The following SIRT1 variants were observed in gnomAD, a reference collection of about 807,000 sequenced individuals.
SIRT1 encodes the protein NAD-dependent protein deacetylase sirtuin-1.
In SIRT1, 24 loss-of-function variants were observed where a neutral mutation model predicts 67.9. The ratio of observed to expected loss-of-function variants is 0.35; its 90% CI spans 0.26 to 0.50. The LOEUF (loss-of-function observed/expected upper bound fraction) is 0.50. SIRT1 is among the 20% of genes least tolerant of loss of function. SIRT1 has a pLI of 0.98. For missense variants in SIRT1, 873 were observed against 937.2 expected, an observed-to-expected ratio of 0.93 and a Z score of 0.89; for synonymous variants, 378 against 350.7, an observed-to-expected ratio of 1.08 and a Z score of -0.87.
At chr10:67,888,197 C>T (rs373970463) in intron 2 of SIRT1, among the ~76,000 whole-genome samples, 1 of 152,052 alleles carries the variant, frequency 6.6e-6, no homozygotes, top group Non-Finnish European at 1.5e-5. Flanking sequence ...TTTTTTATAC[C>T]AAAGGTATAA....
At chr10:67,895,643 A>C (rs146010584) in intron 4 of SIRT1, among the ~76,000 whole-genome samples, 28 of 150,286 alleles carry the variant, frequency 1.9e-4, no homozygotes, top group African/African-American at 6.0e-4. Flanking sequence ...GATACTTCAG[A>C]AGGAAAGAGA....
In SIRT1 at chr10:67,912,859, A is replaced by G. The variant is rs1326385572; in HGVS notation, c.1743A>G (p.Glu581=). 1 of 1,614,040 alleles carries G rather than the reference A, an allele frequency of 6.2e-7. No individual in the cohort carries two copies. Among genetic ancestry groups the G allele is most frequent in the African/African-American group, 1.3e-5 (1 of 74,952 alleles). The part of the protein sequence containing the change: ...SKGCMEEKPQ[E]VQTSRNVESI... Reference sequence around the variant, plus strand: ...GTTGTATGGAAGAAAAACCACAGGAAGTACAAACTTCTAGGAATGTTGAAA... The same window carrying G: ...GTTGTATGGAAGAAAAACCACAGGAGGTACAAACTTCTAGGAATGTTGAAA... The change falls in exon 8 of 9, where the codon GAA becomes GAG. Residue 581 remains glutamate, a synonymous_variant. Coordinates refer to ENST00000212015, the MANE Select transcript of SIRT1 (RefSeq NM_012238.5).
chr10:67,900,335 G>A (rs1181034070), intron 4 of SIRT1, among the ~76,000 whole-genome samples: 1 of 151,926 alleles, frequency 6.6e-6, no homozygotes, highest in Admixed American at 6.6e-5. Context: ...GTAGAGATGG[G>A]GGTTTCACCA....
intron 7 of SIRT1, among the ~76,000 whole-genome samples, chr10:67,910,804 ACT>A (rs1241454344): frequency 6.6e-6 from 1 of 152,344 alleles, no homozygotes; most frequent in East Asian, 1.9e-4. Flanking sequence ...ATATTCTCAT[ACT>A]GTCTGTTTCC....
At chr10:67,891,319 AC>A in intron 3 of SIRT1, 82 bp from the exon 4 acceptor site, 1 of 1,254,408 alleles carries the variant, frequency 8.0e-7, no homozygotes, top group Non-Finnish European at 1.1e-6. Flanking sequence ...CTCAACTCTT[AC>A]CTAATTATAT....
Position 67,884,915 on chromosome 10 carries a change from G to T in SIRT1, c.194G>T (p.Arg65Met). 2 of 1,230,202 alleles carry T rather than the reference G, an allele frequency of 1.6e-6. No individual in the cohort carries two copies. The highest frequency in any genetic ancestry group is 1.6e-5 in the African/African-American group (1 of 62,676). The allele number at this position is 1,230,202 out of a possible 1,614,324, so 76.2% of individuals were successfully genotyped here. Reference sequence around the variant, plus strand: ...GAGCGTGAGGTGCCGGCGGCGGCCAGGGGCTGCCCGGGTGCGGCGGCGGCG... The same window carrying T: ...GAGCGTGAGGTGCCGGCGGCGGCCATGGGCTGCCCGGGTGCGGCGGCGGCG... ...APEREVPAAA[R>M]GCPGAAAAAL... is the part of the protein sequence containing the mutation. The change falls in exon 1 of 9, where the codon AGG becomes ATG. Residue 65 changes from arginine (R) to methionine (M), a missense_variant. This residue lies in a region of SIRT1 where 327 missense variants were observed against 283.9 expected (regional missense o/e 1.15). Coordinates refer to ENST00000212015, the MANE Select transcript of SIRT1 (RefSeq NM_012238.5).
Position 67,898,416 on chromosome 10 carries a change from A to G in SIRT1, c.942+6862A>G, listed in dbSNP as rs1842692715. Among the ~76,000 whole-genome samples the G allele has an allele frequency of 2.0e-5, 3 of 152,174 alleles. No individual in the cohort carries two copies. In the South Asian group the frequency reaches 6.2e-4, roughly 32 times the overall value. ...ACACGAACTGAATTTTATGAACTTA[A>G]TTCCAAGAATGTATTTTTACATTTG... On this transcript the variant is annotated intron_variant, in intron 4 of 8. Coordinates refer to ENST00000212015, the MANE Select transcript of SIRT1 (RefSeq NM_012238.5).
intron 8 of SIRT1, among the ~76,000 whole-genome samples, chr10:67,913,276 A>G (rs145087733): frequency 1.1e-3 from 161 of 152,290 alleles, no homozygotes; most frequent in Non-Finnish European, 2.0e-3. Context: ...AGAATGGGTT[A>G]TTAGCTGGCA....
intron 1 of SIRT1, among the ~76,000 whole-genome samples, chr10:67,886,928 A>G (rs796652947): frequency 2.6e-4 from 40 of 151,366 alleles, no homozygotes; most frequent in African/African-American, 9.5e-4. Flanking sequence ...CTGGAGTGCA[A>G]TGGCGTGATC....
chr10:67,913,975 T>C (rs1842939167), intron 8 of SIRT1, among the ~76,000 whole-genome samples: 1 of 152,042 alleles, frequency 6.6e-6, no homozygotes, highest in African/African-American at 2.4e-5. Context: ...ATGTGAGTGA[T>C]ACTCATTAAT....
Position 67,889,093 on chromosome 10 carries a change from CA to C in SIRT1, c.766del (p.Ile256LeufsTer2). On this transcript the variant is annotated frameshift_variant, in exon 3 of 9. Transcript: ENST00000212015. LOFTEE classifies it high-confidence loss of function. ...EDAVKLLQEC[K>X]KIIVLTGAGV... is the part of the protein sequence containing the mutation. ...ATGCTGTGAAATTACTGCAAGAGTG[CA>C]AAAAAATTATAGTTCTAACTGGAGC... 1.9e-6 allele frequency: 3 copies of C among 1,603,570 alleles called. No individual in the cohort carries two copies. Among genetic ancestry groups the C allele is most frequent in the Non-Finnish European group, 8.5e-7 (1 of 1,179,230 alleles).
rs1027155472 is a variant in SIRT1 at position 67,904,801 on chromosome 10, G to A, written c.943-1989G>A. Among the ~76,000 whole-genome samples, 7 of 150,336 alleles carry A rather than the reference G, an allele frequency of 4.7e-5. No homozygotes were observed. In the East Asian group the frequency reaches 9.8e-4, roughly 21 times the overall value. ...GGAGGTTGTGGTGAGCTGAGATCGCGCCATTGCACTCCAGCCTGGGCAAAA... is the reference window on the plus strand; with the variant it reads ...GGAGGTTGTGGTGAGCTGAGATCGCACCATTGCACTCCAGCCTGGGCAAAA... On this transcript the variant is annotated intron_variant, in intron 4 of 8. Coordinates refer to ENST00000212015, the MANE Select transcript of SIRT1 (RefSeq NM_012238.5).
intron 4 of SIRT1, among the ~76,000 whole-genome samples, chr10:67,898,846 A>C (rs975610410): frequency 2.6e-5 from 4 of 152,094 alleles, no homozygotes; most frequent in African/African-American, 9.7e-5. Context: ...GAAAAGAAAA[A>C]ACTTGGCTGT....
intron 4 of SIRT1, among the ~76,000 whole-genome samples, chr10:67,901,107 C>G (rs1842738194): frequency 6.6e-6 from 1 of 151,892 alleles, no homozygotes; most frequent in Non-Finnish European, 1.5e-5. Context: ...GGTGAAGGAT[C>G]AGAAATTGAA....
In SIRT1 at chr10:67,912,872, A is replaced by G. The variant is rs202044007; in HGVS notation, c.1756A>G (p.Arg586Gly). Reference sequence around the variant, plus strand: ...AAAACCACAGGAAGTACAAACTTCTAGGAATGTTGAAAGTATTGCTGAACA... The same window carrying G: ...AAAACCACAGGAAGTACAAACTTCTGGGAATGTTGAAAGTATTGCTGAACA... ...EEKPQEVQTS[R>G]NVESIAEQME... Residue 586 changes from arginine to glycine, a missense_variant, in exon 8 of 9, where the codon AGG becomes GGG. Arg to Gly is a moderately radical substitution (Grantham distance 125, BLOSUM62 -2). Coordinates refer to ENST00000212015, the MANE Select transcript of SIRT1 (RefSeq NM_012238.5). 1 of 1,614,188 alleles carries G rather than the reference A, an allele frequency of 6.2e-7. No homozygotes were observed. The highest frequency in any genetic ancestry group is 1.3e-5 in the African/African-American group (1 of 75,068).
At chr10:67,891,302 T>A in intron 3 of SIRT1, 100 bp from the exon 4 acceptor site, 2 of 1,038,592 alleles carry the variant, frequency 1.9e-6, no homozygotes, top group Non-Finnish European at 2.8e-6. Flanking sequence ...AGACTAAAAT[T>A]TTCTTTCTCA....
At chr10:67,885,183 A>G (rs1370673797) in intron 1 of SIRT1, 32 bp downstream of exon 1, 7 of 1,329,190 alleles carry the variant, frequency 5.3e-6, no homozygotes, top group African/African-American at 1.5e-5. Flanking sequence ...GGAACTGCGC[A>G]TCTCCTCCTC....
chr10:67,903,516 TG>T (rs1283750629), intron 4 of SIRT1, among the ~76,000 whole-genome samples: 1 of 150,682 alleles, frequency 6.6e-6, no homozygotes, highest in Non-Finnish European at 1.5e-5. Flanking sequence ...TCCCGAGTAG[TG>T]GGACTACAGG....
At chr10:67,905,241 A>G (rs1168744133) in intron 4 of SIRT1, among the ~76,000 whole-genome samples, 1 of 152,238 alleles carries the variant, frequency 6.6e-6, no homozygotes, top group African/African-American at 2.4e-5. Context: ...TCAAATGTAA[A>G]TGTACTAGAA....
Sources: gnomAD v4.1 joint callset for allele counts (sites outside exome capture counted in the v4.1 genomes callset) on GRCh38, gnomAD v4.1.1 for gene constraint, gnomAD v4.1.1 regional missense constraint, MANE v1.5 for transcripts, NCBI Gene and HGNC (gene_info 2026-07-23, HGNC 2026-07-21) for gene names.